The following KCTD9 variants were observed in gnomAD, a reference collection of about 807,000 sequenced individuals.
The protein encoded by KCTD9 is potassium channel tetramerization domain containing 9.
Under a neutral mutation model 53.3 loss-of-function variants are expected in KCTD9, and 17 were observed. The observed-to-expected ratio is 0.32, with a 90% CI of 0.22 to 0.48. The LOEUF (loss-of-function observed/expected upper bound fraction) is 0.48, where lower values mean the gene tolerates loss of function less well. Ranked by LOEUF, KCTD9 falls within the 20% of genes least tolerant of loss-of-function variation. KCTD9 has a pLI of 0.99. For missense variants in KCTD9, 179 were observed against 465.5 expected, an observed-to-expected ratio of 0.38 and a Z score of 5.66; for synonymous variants, 128 against 162.7, an observed-to-expected ratio of 0.79 and a Z score of 1.62.
At position 25,428,235 on chromosome 8, in the gene KCTD9, T is replaced by A. The variant is rs750112957; in HGVS notation, c.*1622A>T. The A allele has an allele frequency of 6.6e-6, 1 of 152,624 alleles. No individual in the cohort carries two copies. 9.5% of individuals were successfully genotyped at this position (152,624 alleles called of 1,614,324 possible). A position where few individuals can be genotyped will look rare whatever the true frequency, so the allele number is the denominator to read the frequency against. ...GATTTAAATATAATTTAGGCACATA[T>A]TGATTATGAAAATAGATTATCTCTC... is the stretch of plus-strand genomic sequence containing the variant. On this transcript the variant is annotated 3_prime_UTR_variant, in exon 12 of 12. Transcript: ENST00000221200.
chr8:25,455,925 T>A (rs192612553), intron 1 of KCTD9, among the ~76,000 whole-genome samples: 1 of 152,376 alleles, frequency 6.6e-6, no homozygotes, highest in East Asian at 1.9e-4. Flanking sequence ...TATTTCTTCC[T>A]GACCTCCAAT....
Position 25,429,738 on chromosome 8 carries a change from G to T in KCTD9, c.*119C>A, listed in dbSNP as rs774603158. On this transcript the variant is annotated 3_prime_UTR_variant, in exon 12 of 12. Transcript: ENST00000221200. Reference sequence around the variant, plus strand: ...TCAAAACAAGCATAATCCTCTAAATGTTTTTTTTTTAAATTTCCTTACAGT... The same window carrying T: ...TCAAAACAAGCATAATCCTCTAAATTTTTTTTTTTTAAATTTCCTTACAGT... 4.7e-6 allele frequency: 3 copies of T among 631,618 alleles called. No homozygotes were observed. Among genetic ancestry groups the T allele is most frequent in the Non-Finnish European group, 8.6e-6 (3 of 346,876 alleles). 39.1% of individuals were successfully genotyped at this position (631,618 alleles called of 1,614,324 possible). A position where few individuals can be genotyped will look rare whatever the true frequency, so the allele number is the denominator to read the frequency against.
At chr8:25,446,708 T>A (rs7844851) in intron 1 of KCTD9, among the ~76,000 whole-genome samples, 1 of 152,018 alleles carries the variant, frequency 6.6e-6, no homozygotes, top group African/African-American at 2.4e-5. Flanking sequence ...GTCCCTATTA[T>A]GTTGTCCTTT....
At chr8:25,439,465 G>A (rs1802077324) in intron 5 of KCTD9, 58 bp from the exon 6 acceptor site, 5 of 1,569,946 alleles carry the variant, frequency 3.2e-6, no homozygotes, top group East Asian at 2.3e-5. Context: ...AGTCAGAAAT[G>A]TATGAGGAAA....
At chr8:25,443,311 CCA>C (rs1802156328) in intron 3 of KCTD9, among the ~76,000 whole-genome samples, 1 of 152,042 alleles carries the variant, frequency 6.6e-6, no homozygotes, top group Non-Finnish European at 1.5e-5. Flanking sequence ...AAGATGAACA[CCA>C]GTTATTCCAG....
At chr8:25,447,164 C>A (rs28470827) in intron 1 of KCTD9, among the ~76,000 whole-genome samples, 1 of 152,096 alleles carries the variant, frequency 6.6e-6, no homozygotes, top group South Asian at 2.1e-4. Flanking sequence ...GAGGCTGAGA[C>A]GGGCAGAGCA....
At chr8:25,453,230 G>A (rs1222964122) in intron 1 of KCTD9, among the ~76,000 whole-genome samples, 3 of 151,972 alleles carry the variant, frequency 2.0e-5, no homozygotes, top group Admixed American at 6.6e-5. Flanking sequence ...GGTGGCACGT[G>A]CCTGTAATTC....
At chr8:25,445,122 A>G (rs1242249198) in intron 2 of KCTD9, among the ~76,000 whole-genome samples, 1 of 152,210 alleles carries the variant, frequency 6.6e-6, no homozygotes, top group Non-Finnish European at 1.5e-5. Context: ...TGGGAGATAC[A>G]TATTGAAAAA....
chr8:25,439,722 T>C, intron 4 of KCTD9, 58 bp from the exon 5 acceptor site: 1 of 1,611,652 alleles, frequency 6.2e-7, no homozygotes, highest in Non-Finnish European at 8.5e-7. Flanking sequence ...CAAACATATT[T>C]AAGTCAAGAG....
intron 3 of KCTD9, among the ~76,000 whole-genome samples, chr8:25,443,370 G>A (rs889972304): frequency 2.0e-5 from 3 of 152,112 alleles, no homozygotes; most frequent in African/African-American, 4.8e-5. Context: ...AAAAAGACCC[G>A]AAGAGATTTC....
chr8:25,439,394 A>G lies in KCTD9; in HGVS notation c.384T>C (p.Asn128=), dbSNP rs754786774. ...HMFKDKGVWG[N]KQDHRGAFLI... is the part of the protein sequence containing the mutation. ...AGAAAGCTCCTCTATGATCTTGCTT[A>G]TTTCCCCAGACACCTGTGTCACCAT... Residue 128 remains asparagine, a synonymous_variant, in exon 6 of 12, where the codon AAT becomes AAC. Transcript: ENST00000221200. 4.3e-6 allele frequency: 7 copies of G among 1,611,184 alleles called. No individual in the cohort carries two copies. In the Admixed American group the frequency reaches 1.2e-4, roughly 27 times the overall value.
intron 4 of KCTD9, chr8:25,439,896 TTGTC>T (rs1301244657): frequency 7.7e-6 from 6 of 778,474 alleles, no homozygotes; most frequent in African/African-American, 3.5e-5. Flanking sequence ...CTTTAAATAC[TTGTC>T]TGTCTATCCT....
intron 1 of KCTD9, 101 bp downstream of exon 1, chr8:25,458,098 A>T (rs1802507631): frequency 1.7e-6 from 2 of 1,145,890 alleles, no homozygotes; most frequent in Admixed American, 2.1e-5. Flanking sequence ...CCCACCTCCC[A>T]GCCCCTCTAC....
In KCTD9 at chr8:25,458,187, C is replaced by T. The variant is rs758162834; in HGVS notation, c.48+12G>A. 6.4e-7 allele frequency: 1 copy of T among 1,561,768 alleles called. No homozygotes were observed. Among genetic ancestry groups the T allele is most frequent in the East Asian group, 2.3e-5 (1 of 43,798 alleles). Reference sequence around the variant, plus strand: ...ACCCCCGGCCCGCCGCGCCCCCTCACGCCCCCGTTACCTTTCCGTTCTTGG... The same window carrying T: ...ACCCCCGGCCCGCCGCGCCCCCTCATGCCCCCGTTACCTTTCCGTTCTTGG... On this transcript the variant is annotated intron_variant, in intron 1 of 11. Coordinates refer to ENST00000221200, the MANE Select transcript of KCTD9 (RefSeq NM_017634.4).
intron 3 of KCTD9, 102 bp downstream of exon 3, chr8:25,444,190 T>C: frequency 3.2e-6 from 3 of 948,138 alleles, no homozygotes; most frequent in Non-Finnish European, 4.8e-6. Flanking sequence ...AGCCATAAGA[T>C]CATTTTTAAT....
chr8:25,455,607 C>T (rs1802418063), intron 1 of KCTD9, among the ~76,000 whole-genome samples: 2 of 152,176 alleles, frequency 1.3e-5, no homozygotes, highest in African/African-American at 4.8e-5. Flanking sequence ...TTAATATTGT[C>T]TCAAGCTGCA....
chr8:25,455,553 G>A (rs559355965), intron 1 of KCTD9, among the ~76,000 whole-genome samples: 5 of 152,308 alleles, frequency 3.3e-5, no homozygotes, highest in African/African-American at 4.8e-5. Flanking sequence ...TAGGAGAAGT[G>A]GCAGCTTCTG....
chr8:25,456,131 C>T (rs1802429624), intron 1 of KCTD9, among the ~76,000 whole-genome samples: 1 of 152,184 alleles, frequency 6.6e-6, no homozygotes, highest in Admixed American at 6.5e-5. Flanking sequence ...CCCCAGGCTT[C>T]ATAGTCTCAC....
chr8:25,444,145 C>CA, intron 3 of KCTD9, 147 bp downstream of exon 3: 1 of 712,152 alleles, frequency 1.4e-6, no homozygotes, highest in Non-Finnish European at 2.4e-6. Context: ...TTAACATACC[C>CA]AATGCAGAAT....
Sources: allele counts gnomAD v4.1 joint callset (sites outside exome capture counted in the v4.1 genomes callset), GRCh38; gene constraint gnomAD v4.1.1; transcripts MANE v1.5; gene names NCBI Gene and HGNC (gene_info 2026-07-23, HGNC 2026-07-21).